CES5A: variants seen among roughly 807,000 people sequenced by gnomAD.
CES5A encodes the protein carboxylesterase 5A.
A neutral mutation model predicts 62.9 loss-of-function variants in CES5A; 67 were observed. That is an observed-to-expected ratio of 1.07 (90% confidence interval 0.88 to 1.31). The LOEUF is 1.31. Ranked by LOEUF, CES5A falls within the 50% of genes most tolerant of loss-of-function variation. The pLI is 0.00. For synonymous variants in CES5A, 296 were observed against 280.8 expected, an observed-to-expected ratio of 1.05 and a Z score of -0.54; for missense variants, 748 against 708.5, an observed-to-expected ratio of 1.06 and a Z score of -0.63.
rs779228332 is a variant in CES5A at position 55,861,497 on chromosome 16, A to C, written c.830T>G (p.Phe277Cys). The C allele has an allele frequency of 9.9e-6, 16 of 1,613,178 alleles. No homozygotes were observed. The Middle Eastern group carries it at 4.9e-4, about 50-fold the overall frequency. ...AGAGTCTGACGCATTGTTACCACAG[A>C]AATGTGCAACCACCTGCAGCTATTT... Reference protein sequence around the residue: ...KSEDLQVVAHFCGNNASDSEA... With the variant: ...KSEDLQVVAHCCGNNASDSEA... Residue 277 changes from phenylalanine to cysteine, a missense_variant, in exon 7 of 13, where the codon TTC (phenylalanine) becomes TGC (cysteine). Phe to Cys is a radical substitution (Grantham distance 205). Transcript: ENST00000290567.
intron 1 of CES5A, among the ~76,000 whole-genome samples, chr16:55,905,206 G>C (rs2034028479): frequency 6.6e-6 from 1 of 152,026 alleles, no homozygotes; most frequent in Admixed American, 6.6e-5. Flanking sequence ...TGTTTCCCAG[G>C]CTCTGCATCC....
chr16:55,918,374 A>C (rs1215330955), intron 1 of CES5A, among the ~76,000 whole-genome samples: 2 of 152,178 alleles, frequency 1.3e-5, no homozygotes, highest in African/African-American at 4.8e-5. Flanking sequence ...CCGTCATTCC[A>C]TAATAATCAT....
chr16:55,941,226 A>G (rs1487062637), intron 2 of CES5A, among the ~76,000 whole-genome samples: 1 of 152,112 alleles, frequency 6.6e-6, no homozygotes, highest in Non-Finnish European at 1.5e-5. Flanking sequence ...TGTAGATGAC[A>G]TAGCGTTCTA....
chr16:55,892,706 T>TAAC (rs1164246246), intron 1 of CES5A, among the ~76,000 whole-genome samples: 2 of 140,442 alleles, frequency 1.4e-5, no homozygotes, highest in African/African-American at 2.5e-5. Context: ...GCTCACACTC[T>TAAC]AACAACAACA....
chr16:55,858,745 A>G (rs2033293983), intron 8 of CES5A, among the ~76,000 whole-genome samples: 1 of 152,230 alleles, frequency 6.6e-6, no homozygotes, highest in African/African-American at 2.4e-5. Flanking sequence ...CTTCAACAGT[A>G]TTAGGAATTT....
At chr16:55,897,949 C>A (rs2142439151) in intron 1 of CES5A, among the ~76,000 whole-genome samples, 1 of 152,200 alleles carries the variant, frequency 6.6e-6, no homozygotes, top group South Asian at 2.1e-4. Context: ...CAGATAAAGT[C>A]AAACTAAAAA....
At chr16:55,853,577 G>C (rs2033174548) in intron 9 of CES5A, among the ~76,000 whole-genome samples, 1 of 152,156 alleles carries the variant, frequency 6.6e-6, no homozygotes, top group South Asian at 2.1e-4. Context: ...TTGGTCTCTT[G>C]GAGCCTCAGT....
chr16:55,887,364 T>A (rs1567341579), intron 1 of CES5A, among the ~76,000 whole-genome samples: 1 of 149,392 alleles, frequency 6.7e-6, no homozygotes, highest in Non-Finnish European at 1.5e-5. Flanking sequence ...CAGACTCTTG[T>A]TACCAGTGGA....
chr16:55,944,481 A>T (rs2034474258), intron 2 of CES5A: 1 of 165,938 alleles, frequency 6.0e-6, no homozygotes, highest in African/African-American at 2.4e-5. Flanking sequence ...AGATGGCGGT[A>T]GCTGTCACTT....
At chr16:55,891,139 T>G (rs1391053899) in intron 1 of CES5A, among the ~76,000 whole-genome samples, 1 of 152,102 alleles carries the variant, frequency 6.6e-6, no homozygotes. Flanking sequence ...ACTCACCTCG[T>G]CACTCTCTTT....
chr16:55,871,893 C>G, intron 2 of CES5A, 130 bp from the exon 3 acceptor site: 3 of 899,794 alleles, frequency 3.3e-6, no homozygotes, highest in Non-Finnish European at 5.1e-6. Flanking sequence ...GCTACCGGTA[C>G]AAAGTCCAAT....
At chr16:55,853,895 A>C (rs2033180739) in intron 9 of CES5A, among the ~76,000 whole-genome samples, 1 of 152,136 alleles carries the variant, frequency 6.6e-6, no homozygotes, top group Non-Finnish European at 1.5e-5. Flanking sequence ...GCAGCCCTTG[A>C]TGGGTTTCTT....
At chr16:55,894,048 A>G (rs2033906882) in intron 1 of CES5A, among the ~76,000 whole-genome samples, 1 of 152,206 alleles carries the variant, frequency 6.6e-6, no homozygotes, top group Non-Finnish European at 1.5e-5. Flanking sequence ...TTTGTTAGAA[A>G]AAATAGAAAC....
chr16:55,871,860 C>A, intron 2 of CES5A, 97 bp from the exon 3 acceptor site: 1 of 1,323,002 alleles, frequency 7.6e-7, no homozygotes, highest in Non-Finnish European at 1.1e-6. Context: ...CTGGCCGTCT[C>A]CTCTGCCTGA....
intron 1 of CES5A, among the ~76,000 whole-genome samples, chr16:55,904,100 T>G (rs1262083711): frequency 1.3e-5 from 2 of 152,208 alleles, no homozygotes; most frequent in Non-Finnish European, 2.9e-5. Flanking sequence ...AGACTACACT[T>G]GGATGCTCCA....
intron 1 of CES5A, among the ~76,000 whole-genome samples, chr16:55,881,242 C>T (rs1217228482): frequency 6.6e-6 from 1 of 152,148 alleles, no homozygotes; most frequent in African/African-American, 2.4e-5. Flanking sequence ...TCCACTCATT[C>T]TCCCAAGCCA....
At chr16:55,894,620 A>G (rs1477302037) in intron 1 of CES5A, among the ~76,000 whole-genome samples, 1 of 152,196 alleles carries the variant, frequency 6.6e-6, no homozygotes, top group African/African-American at 2.4e-5. Context: ...CTCCACAAAA[A>G]CAGTAAATAT....
intron 1 of CES5A, among the ~76,000 whole-genome samples, chr16:55,904,338 G>T (rs1419774054): frequency 6.6e-6 from 1 of 152,218 alleles, no homozygotes. Context: ...ACCTGCCCCT[G>T]TCAGGAAGGA....
At chr16:55,918,933 T>A (rs1011351517) in intron 1 of CES5A, among the ~76,000 whole-genome samples, 1 of 152,132 alleles carries the variant, frequency 6.6e-6, no homozygotes, top group Non-Finnish European at 1.5e-5. Context: ...CCAGGGTGAG[T>A]ATCTCTACCA....
Sources: allele counts gnomAD v4.1 joint callset (sites outside exome capture counted in the v4.1 genomes callset), GRCh38; gene constraint gnomAD v4.1.1; transcripts MANE v1.5; gene names NCBI Gene and HGNC (gene_info 2026-07-23, HGNC 2026-07-21).